Variants in MYOM2 observed in about 807,000 individuals in gnomAD.
MYOM2 encodes the protein myomesin 2, also known as myomesin-2.
MYOM2 carries 254 observed loss-of-function variants against 187.6 expected under a neutral mutation model. The ratio of observed to expected loss-of-function variants is 1.35; its 90% CI spans 1.22 to 1.50. The LOEUF (loss-of-function observed/expected upper bound fraction) is 1.50, where lower values mean the gene tolerates loss of function less well. Ranked by LOEUF, MYOM2 falls within the 40% of genes most tolerant of loss-of-function variation. The pLI is 0.00. For missense variants in MYOM2, 2,796 were observed against 1,924.0 expected (o/e 1.45, Z -8.48); for synonymous variants, 981 against 753.8 (o/e 1.30, Z -4.94).
chr8:2,053,693 A>G (rs1818564723), intron 3 of MYOM2, among the ~76,000 whole-genome samples: 1 of 152,184 alleles, frequency 6.6e-6, no homozygotes, highest in Admixed American at 6.5e-5. Flanking sequence ...TGACTGGTGA[A>G]GGGGTTATGT....
At chr8:2,113,313 T>C (rs1316266242) in intron 25 of MYOM2, among the ~76,000 whole-genome samples, 2 of 152,234 alleles carry the variant, frequency 1.3e-5, no homozygotes, top group South Asian at 2.1e-4. Flanking sequence ...TCAGACACTG[T>C]ATCATCCAGG....
At chr8:2,101,507 G>T (rs146584259) in intron 20 of MYOM2, among the ~76,000 whole-genome samples, 5 of 152,332 alleles carry the variant, frequency 3.3e-5, no homozygotes, top group East Asian at 1.9e-4. Flanking sequence ...TGACCGGGGC[G>T]TGGCTGCTGA....
At chr8:2,053,938 C>T (rs896892471) in intron 3 of MYOM2, among the ~76,000 whole-genome samples, 2 of 152,092 alleles carry the variant, frequency 1.3e-5, no homozygotes, top group African/African-American at 2.4e-5. Context: ...AAACATAAGT[C>T]GTGGGGATCT....
chr8:2,123,157 AG>A (rs79851298), intron 28 of MYOM2, 94 bp from the exon 29 acceptor site: 54,621 of 764,728 alleles, frequency 0.071, 2,362 homozygotes, highest in Middle Eastern at 0.12. Flanking sequence ...AGGTTTTTTG[AG>A]GGGGGGGCTC....
In MYOM2 at chr8:2,102,670, T is replaced by C. The variant is rs1429017090; in HGVS notation, c.2623T>C (p.Ser875Pro). The C allele has an allele frequency of 1.2e-6, 2 of 1,608,888 alleles. No individual in the cohort carries two copies. The highest frequency in any genetic ancestry group is 1.3e-5 in the African/African-American group (1 of 74,854). ...GTGTTTCCTCTGTTGTTTCAAGGTC[T>C]CTGACCTGCAGCAAGGTAAGACCTA... ...TTTASRYLKV[S>P]DLQQGKTYVF... The change falls in exon 21 of 37, where the codon TCT becomes CCT. Residue 875 changes from serine (S) to proline (P), a missense_variant. Ser to Pro is a moderately conservative substitution (Grantham distance 74). Coordinates refer to ENST00000262113, the MANE Select transcript of MYOM2 (RefSeq NM_003970.4).
intron 6 of MYOM2, among the ~76,000 whole-genome samples, chr8:2,062,206 C>G (rs111357999): frequency 6.6e-6 from 1 of 152,134 alleles, no homozygotes; most frequent in African/African-American, 2.4e-5. Flanking sequence ...ACGGGGACCC[C>G]GTGGGCCATT....
chr8:2,123,239 T>G lies in MYOM2; in HGVS notation c.3454-13T>G. ...ATGATTTACACACTAAACTTAAGCT[T>G]TCTACCTCACAGGTTGCAAACACCA... On this transcript the variant is annotated splice_polypyrimidine_tract_variant and intron_variant, in intron 28 of 36. Coordinates refer to ENST00000262113, the MANE Select transcript of MYOM2 (RefSeq NM_003970.4). 1 of 1,572,492 alleles carries G rather than the reference T, an allele frequency of 6.4e-7. No homozygotes were observed.
intron 32 of MYOM2, among the ~76,000 whole-genome samples, chr8:2,134,836 C>G (rs554839926): frequency 9.7e-4 from 148 of 152,260 alleles, no homozygotes; most frequent in Non-Finnish European, 1.5e-3. Context: ...ACATTCCCAA[C>G]TCATCTCATA....
chr8:2,097,610 G>A (rs1796538746), intron 18 of MYOM2, among the ~76,000 whole-genome samples: 1 of 152,140 alleles, frequency 6.6e-6, no homozygotes, highest in South Asian at 2.1e-4. Context: ...CGCCTCCTGG[G>A]TTCAAGCAAT....
At chr8:2,116,408 CT>C in intron 27 of MYOM2, 133 bp downstream of exon 27, 1 of 825,352 alleles carries the variant, frequency 1.2e-6, no homozygotes, top group Non-Finnish European at 1.8e-6. Context: ...AGAGGTTAGG[CT>C]TACCAACTGC....
intron 20 of MYOM2, 134 bp from the exon 21 acceptor site, chr8:2,102,533 T>A (rs951638858): frequency 3.5e-5 from 20 of 572,638 alleles, no homozygotes; most frequent in Non-Finnish European, 5.3e-5. Context: ...CTTTTCTAAC[T>A]CATTAAGTAT....
At chr8:2,135,158 G>A (rs1550452) in intron 32 of MYOM2, among the ~76,000 whole-genome samples, 54,808 of 151,794 alleles carry the variant, frequency 0.36, 10,620 homozygotes, top group African/African-American at 0.5. Flanking sequence ...TTTGTTTTCA[G>A]TCCTAGTATT....
At position 2,076,274 on chromosome 8, in the gene MYOM2, T is replaced by G. The variant is rs1296874163; in HGVS notation, c.1254T>G (p.Phe418Leu). ...TTTESPVMGY[F>L]VDRCEVGTNN... The stretch of plus-strand genomic sequence containing the variant: ...CTGAGAGCCCCGTCATGGGCTATTT[T>G]GTGGACCGGTGAGCGTCTTGCATTC... Residue 418 changes from phenylalanine (F) to leucine (L), a missense_variant, in exon 11 of 37, where the codon TTT becomes TTG. Coordinates refer to ENST00000262113, the MANE Select transcript of MYOM2 (RefSeq NM_003970.4). The G allele has an allele frequency of 6.2e-7, 1 of 1,613,574 alleles. No homozygotes were observed. Among genetic ancestry groups the G allele is most frequent in the Admixed American group, 1.7e-5 (1 of 59,948 alleles).
intron 11 of MYOM2, among the ~76,000 whole-genome samples, chr8:2,077,688 A>G (rs539697100): frequency 6.6e-6 from 1 of 152,170 alleles, no homozygotes; most frequent in East Asian, 1.9e-4. Flanking sequence ...ATGTTGACAA[A>G]AACCATTTCC....
chr8:2,121,034 T>C (rs1047039242), intron 28 of MYOM2, among the ~76,000 whole-genome samples: 1 of 152,054 alleles, frequency 6.6e-6, no homozygotes, highest in African/African-American at 2.4e-5. Context: ...TTAGAAGTCT[T>C]GCTCAACAAA....
intron 6 of MYOM2, among the ~76,000 whole-genome samples, chr8:2,067,049 T>C (rs550254972): frequency 7.2e-5 from 11 of 152,328 alleles, no homozygotes; most frequent in Non-Finnish European, 1.5e-4. Context: ...CAGATGGTTT[T>C]ATCTGACATA....
intron 25 of MYOM2, among the ~76,000 whole-genome samples, chr8:2,111,403 A>G (rs1043611115): frequency 6.6e-6 from 1 of 152,230 alleles, no homozygotes; most frequent in East Asian, 1.9e-4. Context: ...GCAGCTAAGA[A>G]AATGGAAAAA....
At chr8:2,068,103 G>C (rs1284329867) in intron 6 of MYOM2, among the ~76,000 whole-genome samples, 1 of 152,182 alleles carries the variant, frequency 6.6e-6, no homozygotes, top group African/African-American at 2.4e-5. Context: ...AGAGCATCGT[G>C]GGCGCAGCTC....
chr8:2,079,073 A>G (rs2235118), intron 12 of MYOM2, 140 bp downstream of exon 12: 30 of 741,150 alleles, frequency 4.0e-5, no homozygotes, highest in Non-Finnish European at 4.4e-5. Context: ...GGCTGTTACA[A>G]CGTTCTCTGA....
Sources: allele counts gnomAD v4.1 joint callset (sites outside exome capture counted in the v4.1 genomes callset), GRCh38; gene constraint gnomAD v4.1.1; transcripts MANE v1.5; gene names NCBI Gene and HGNC (gene_info 2026-07-23, HGNC 2026-07-21).